HEATR5A: variants seen among roughly 807,000 people sequenced by gnomAD.
The protein encoded by HEATR5A is HEAT repeat containing 5A.
Under a neutral mutation model 218.8 loss-of-function variants are expected in HEATR5A, and 178 were observed. The ratio of observed to expected loss-of-function variants is 0.81; its 90% CI spans 0.72 to 0.92. The LOEUF (loss-of-function observed/expected upper bound fraction) is 0.92. Among genes scored for constraint, HEATR5A ranks in the 40% least tolerant of loss-of-function variants. The pLI is 0.00. For synonymous variants in HEATR5A, 864 were observed against 871.6 expected (o/e 0.99, Z 0.15); for missense variants, 2,420 against 2,418.9 (o/e 1.00, Z -0.01).
At chr14:31,314,409 A>G (rs1280005107) in intron 27 of HEATR5A, among the ~76,000 whole-genome samples, 1 of 150,530 alleles carries the variant, frequency 6.6e-6, no homozygotes, top group East Asian at 1.9e-4. Context: ...ATATGCCACC[A>G]CGCCTGGCTA....
At position 31,374,301 on chromosome 14, in the gene HEATR5A, C is replaced by CAA. The variant is rs34427206; in HGVS notation, c.1861+513_1861+514dup. Among the ~76,000 whole-genome samples the CAA allele has an allele frequency of 7.1e-4, 65 of 92,098 alleles. 2 individuals are homozygous for CAA. The highest frequency in any genetic ancestry group is 1.3e-3 in the Non-Finnish European group (55 of 43,044). 60.4% of individuals were successfully genotyped at this position (92,098 alleles called of 152,430 possible). A position where few individuals can be genotyped will look rare whatever the true frequency, so the allele number is the denominator to read the frequency against. ...CCTGGGCAACAGTGAGACCCTATCT[C>CAA]AAAAAAAAAAAAAAAAAAAAAGTGG... is the stretch of plus-strand genomic sequence containing the variant. On this transcript the variant is annotated intron_variant, in intron 12 of 35. Coordinates refer to ENST00000543095, the MANE Select transcript of HEATR5A (RefSeq NM_015473.4).
chr14:31,308,685 A>G (rs988815445), intron 29 of HEATR5A, among the ~76,000 whole-genome samples: 3 of 152,118 alleles, frequency 2.0e-5, no homozygotes, highest in African/African-American at 7.2e-5. Flanking sequence ...GCTTTGACAT[A>G]CATCTTTTTA....
At chr14:31,326,860 G>T (rs1251859953) in intron 22 of HEATR5A, among the ~76,000 whole-genome samples, 1 of 151,930 alleles carries the variant, frequency 6.6e-6, no homozygotes, top group Non-Finnish European at 1.5e-5. Flanking sequence ...GCCCAGGCTG[G>T]TCTCAAATTC....
chr14:31,363,958 A>G (rs751648511), intron 14 of HEATR5A, among the ~76,000 whole-genome samples: 13 of 152,182 alleles, frequency 8.5e-5, no homozygotes, highest in Non-Finnish European at 1.8e-4. Flanking sequence ...TGGGTAAGAG[A>G]GTGAGACCCT....
At chr14:31,397,772 C>T (rs2030714890) in intron 4 of HEATR5A, among the ~76,000 whole-genome samples, 1 of 152,068 alleles carries the variant, frequency 6.6e-6, no homozygotes, top group South Asian at 2.1e-4. Flanking sequence ...GATCCTCCTG[C>T]CTCAGTCTTC....
rs895898680 is a variant in HEATR5A at position 31,292,324 on chromosome 14, C to T, written c.*981G>A. ...AAGAACAGAGGTAAACAGAAAAATC[C>T]ATTTGAAAAATAGTGGAAATGGCTT... On this transcript the variant is annotated 3_prime_UTR_variant, in exon 36 of 36. Coordinates refer to ENST00000543095, the MANE Select transcript of HEATR5A (RefSeq NM_015473.4). 6.6e-6 allele frequency: 1 copy of T among 152,086 alleles called. No individual in the cohort carries two copies. The highest frequency in any genetic ancestry group is 6.5e-5 in the Admixed American group (1 of 15,274). The allele number at this position is 152,086 out of a possible 1,614,324, so 9.4% of individuals were successfully genotyped here. A position where few individuals can be genotyped will look rare whatever the true frequency, so the allele number is the denominator to read the frequency against.
chr14:31,380,969 C>T (rs2029954639), intron 10 of HEATR5A, among the ~76,000 whole-genome samples: 1 of 152,194 alleles, frequency 6.6e-6, no homozygotes, highest in South Asian at 2.1e-4. Flanking sequence ...CTACATACAG[C>T]CAGGTGCGGT....
At chr14:31,360,121 CT>C (rs1333241373) in intron 14 of HEATR5A, among the ~76,000 whole-genome samples, 1 of 150,562 alleles carries the variant, frequency 6.6e-6, no homozygotes, top group Non-Finnish European at 1.5e-5. Flanking sequence ...TCATAAACAC[CT>C]GTTTTTGTTT....
In HEATR5A at chr14:31,326,026, AT is replaced by A. The variant is rs1249639595; in HGVS notation, c.3547+136del. 2.6e-5 allele frequency: 17 copies of A among 665,762 alleles called. No homozygotes were observed. In the Admixed American group the frequency reaches 4.4e-4, roughly 17 times the overall value. 41.2% of individuals were successfully genotyped at this position (665,762 alleles called of 1,614,324 possible). ...CTAAAACACTAGAAATACAATCTTC[AT>A]TTGAAGAAAAGCAACAATCAGACAG... On this transcript the variant is annotated intron_variant, in intron 23 of 35. Coordinates refer to ENST00000543095, the MANE Select transcript of HEATR5A (RefSeq NM_015473.4).
At chr14:31,379,399 C>T (rs1240103162) in intron 11 of HEATR5A, among the ~76,000 whole-genome samples, 1 of 151,782 alleles carries the variant, frequency 6.6e-6, no homozygotes, top group African/African-American at 2.4e-5. Flanking sequence ...TACAGGCATG[C>T]ACCACCATGC....
At chr14:31,368,763 T>G (rs2139248839) in intron 13 of HEATR5A, among the ~76,000 whole-genome samples, 1 of 151,994 alleles carries the variant, frequency 6.6e-6, no homozygotes, top group South Asian at 2.1e-4. Context: ...GACCTCACTA[T>G]GTTGCTCAGG....
intron 22 of HEATR5A, among the ~76,000 whole-genome samples, chr14:31,336,768 G>GA (rs1900685851): frequency 6.6e-6 from 1 of 152,156 alleles, no homozygotes; most frequent in Admixed American, 6.6e-5. Flanking sequence ...TGACTGCGGT[G>GA]AAAAAACTTG....
rs1347169354 is a variant in HEATR5A, at chr14:31,347,808, T to C, written c.2808A>G (p.Leu936=). ...YLGGISSSQH[L]NSCIGILYTL... ...TATAAAGGATTCCAATACAAGAATT[T>C]AGGTGTTGAGAAGAACTTATTCCTC... Residue 936 remains leucine, a synonymous_variant, in exon 19 of 36, where the codon CTA becomes CTG. Coordinates refer to ENST00000543095, the MANE Select transcript of HEATR5A (RefSeq NM_015473.4). 2.5e-6 allele frequency: 4 copies of C among 1,611,382 alleles called. No homozygotes were observed. The highest frequency in any genetic ancestry group is 3.4e-6 in the Non-Finnish European group (4 of 1,178,670).
intron 1 of HEATR5A, among the ~76,000 whole-genome samples, chr14:31,416,691 G>A (rs2031460926): frequency 6.6e-6 from 1 of 151,880 alleles, no homozygotes; most frequent in South Asian, 2.1e-4. Context: ...TTTAAAGAGT[G>A]CTAACTTTCC....
In HEATR5A at chr14:31,358,821, G is replaced by GA. The variant is rs762068620; in HGVS notation, c.2236-10dup. The GA allele has an allele frequency of 1.9e-6, 3 of 1,605,726 alleles. No homozygotes were observed. The highest frequency in any genetic ancestry group is 2.2e-5 in the South Asian group (2 of 89,360). ...CCATTACCAAGCAGGAGCTAAAAGG[G>GA]AAAAAAAGTATATAAGGTTTTAAAA... On this transcript the variant is annotated splice_polypyrimidine_tract_variant and intron_variant, in intron 15 of 35. Coordinates refer to ENST00000543095, the MANE Select transcript of HEATR5A (RefSeq NM_015473.4).
intron 14 of HEATR5A, among the ~76,000 whole-genome samples, chr14:31,360,404 G>A (rs1901579280): frequency 6.6e-6 from 1 of 152,116 alleles, no homozygotes; most frequent in African/African-American, 2.4e-5. Flanking sequence ...TTTTGGTGAT[G>A]GGCAGGGTGG....
intron 19 of HEATR5A, among the ~76,000 whole-genome samples, chr14:31,346,164 T>G (rs1184416333): frequency 6.6e-6 from 1 of 152,190 alleles, no homozygotes; most frequent in Non-Finnish European, 1.5e-5. Flanking sequence ...AATGAGCTCC[T>G]ATTTGTTAGG....
chr14:31,332,299 T>C (rs1022383524), intron 22 of HEATR5A, among the ~76,000 whole-genome samples: 2 of 152,242 alleles, frequency 1.3e-5, no homozygotes, highest in Non-Finnish European at 2.9e-5. Flanking sequence ...ATTCAATAAA[T>C]GTTGAGTGTG....
At chr14:31,335,799 G>A (rs1032197429) in intron 22 of HEATR5A, among the ~76,000 whole-genome samples, 3 of 151,918 alleles carry the variant, frequency 2.0e-5, no homozygotes, top group Non-Finnish European at 2.9e-5. Flanking sequence ...GACTACAGGC[G>A]CATGCCACCA....
Sources: allele counts gnomAD v4.1 joint callset (sites outside exome capture counted in the v4.1 genomes callset), GRCh38; gene constraint gnomAD v4.1.1; transcripts MANE v1.5; gene names NCBI Gene and HGNC (gene_info 2026-07-23, HGNC 2026-07-21).